NEGR1: variants seen among roughly 807,000 people sequenced by gnomAD.
NEGR1 encodes the protein IgLON family member 4.
In NEGR1, 10 loss-of-function variants were observed where a neutral mutation model predicts 40.9. That is an observed-to-expected ratio of 0.24 (90% confidence interval 0.15 to 0.42). The LOEUF is 0.42. Among genes scored for constraint, NEGR1 ranks in the 10% least tolerant of loss-of-function variants. NEGR1 has a pLI of 1.00. For missense variants in NEGR1, 352 were observed against 438.9 expected (o/e 0.80, Z 1.77); for synonymous variants, 185 against 166.8 (o/e 1.11, Z -0.84).
intron 6 of NEGR1, among the ~76,000 whole-genome samples, chr1:71,478,964 C>T (rs762350387): frequency 6.6e-6 from 1 of 151,876 alleles, no homozygotes; most frequent in South Asian, 2.1e-4. Context: ...GTTACACAGA[C>T]AATATATTCC....
At chr1:71,903,885 T>TA in intron 2 of NEGR1, among the ~76,000 whole-genome samples, 1 of 151,914 alleles carries the variant, frequency 6.6e-6, no homozygotes, top group Non-Finnish European at 1.5e-5. Flanking sequence ...ATGGATGTTA[T>TA]AAATGCTATT....
intron 1 of NEGR1, among the ~76,000 whole-genome samples, chr1:71,939,564 C>T (rs779506457): frequency 6.6e-5 from 10 of 151,988 alleles, no homozygotes; most frequent in Non-Finnish European, 1.3e-4. Flanking sequence ...TAATTAAATG[C>T]AGATATATGT....
At chr1:72,216,875 C>G (rs886247235) in intron 1 of NEGR1, among the ~76,000 whole-genome samples, 2 of 151,430 alleles carry the variant, frequency 1.3e-5, no homozygotes, top group South Asian at 4.2e-4. Flanking sequence ...ATTTAAAGTG[C>G]TATAAAAATA....
chr1:71,949,474 C>T (rs1406204915), intron 1 of NEGR1, among the ~76,000 whole-genome samples: 3 of 151,924 alleles, frequency 2.0e-5, no homozygotes, highest in Admixed American at 1.3e-4. Flanking sequence ...GTACCTGTCA[C>T]GTAGTTGGTA....
chr1:71,684,405 A>G (rs1570201559), intron 4 of NEGR1, among the ~76,000 whole-genome samples: 1 of 152,168 alleles, frequency 6.6e-6, no homozygotes, highest in African/African-American at 2.4e-5. Flanking sequence ...GTACATTTGT[A>G]TATATTTTTA....
At chr1:71,729,538 T>G (rs977241493) in intron 3 of NEGR1, among the ~76,000 whole-genome samples, 3 of 152,188 alleles carry the variant, frequency 2.0e-5, no homozygotes, top group Non-Finnish European at 4.4e-5. Flanking sequence ...AATAAATACC[T>G]GTTGATTAAT....
intron 3 of NEGR1, among the ~76,000 whole-genome samples, chr1:71,762,798 T>C (rs1440188129): frequency 6.6e-6 from 1 of 152,152 alleles, no homozygotes; most frequent in South Asian, 2.1e-4. Context: ...GAAAATAGAA[T>C]GTTAAATAAT....
At chr1:71,859,166 C>T (rs1659868831) in intron 2 of NEGR1, among the ~76,000 whole-genome samples, 1 of 152,016 alleles carries the variant, frequency 6.6e-6, no homozygotes, top group African/African-American at 2.4e-5. Context: ...TACCTTTTGC[C>T]CCCATTCTTT....
intron 1 of NEGR1, among the ~76,000 whole-genome samples, chr1:71,964,023 C>T (rs1406828726): frequency 6.6e-6 from 1 of 151,974 alleles, no homozygotes; most frequent in Non-Finnish European, 1.5e-5. Flanking sequence ...TTCTTTCTGT[C>T]CTCAAAATAT....
chr1:72,013,795 G>A (rs1646682237), intron 1 of NEGR1, among the ~76,000 whole-genome samples: 1 of 150,270 alleles, frequency 6.7e-6, no homozygotes, highest in Admixed American at 6.7e-5. Context: ...TCAAACATTC[G>A]CTACCCTGAC....
intron 1 of NEGR1, among the ~76,000 whole-genome samples, chr1:72,201,720 T>C (rs1653219479): frequency 6.6e-6 from 1 of 151,864 alleles, no homozygotes; most frequent in South Asian, 2.1e-4. Context: ...GGGTATGTGA[T>C]TTTACCAAAC....
intron 4 of NEGR1, among the ~76,000 whole-genome samples, chr1:71,644,078 G>T (rs921360053): frequency 2.6e-5 from 4 of 151,882 alleles, no homozygotes; most frequent in Admixed American, 2.6e-4. Context: ...GCCCAAAAGA[G>T]TTCCACTTTT....
At chr1:71,635,129 A>T (rs1651103890) in intron 4 of NEGR1, among the ~76,000 whole-genome samples, 1 of 152,128 alleles carries the variant, frequency 6.6e-6, no homozygotes, top group South Asian at 2.1e-4. Context: ...AGGGGAACAC[A>T]GGATAATGGA....
At chr1:71,852,333 C>G (rs12405796) in intron 2 of NEGR1, among the ~76,000 whole-genome samples, 1,927 of 152,162 alleles carry the variant, frequency 0.013, 15 homozygotes, top group Admixed American at 0.021. Context: ...TGTGTGAGAA[C>G]AGCAGATACA....
intron 1 of NEGR1, among the ~76,000 whole-genome samples, chr1:72,125,607 A>C (rs1360250576): frequency 1.3e-5 from 2 of 152,166 alleles, no homozygotes; most frequent in East Asian, 3.8e-4. Flanking sequence ...TATTATTACT[A>C]TAAAGGGATA....
chr1:72,131,878 C>T (rs900858083), intron 1 of NEGR1, among the ~76,000 whole-genome samples: 24 of 152,120 alleles, frequency 1.6e-4, no homozygotes, highest in African/African-American at 5.6e-4. Flanking sequence ...GGGAGGATCA[C>T]CTGAGGCCAT....
At chr1:71,678,959 A>G (rs1026790627) in intron 4 of NEGR1, among the ~76,000 whole-genome samples, 1 of 152,156 alleles carries the variant, frequency 6.6e-6, no homozygotes, top group Non-Finnish European at 1.5e-5. Flanking sequence ...TATCCTGAAG[A>G]ATGGAAAACC....
At chr1:71,762,867 TAAAGGA>T (rs1655993171) in intron 3 of NEGR1, among the ~76,000 whole-genome samples, 1 of 152,118 alleles carries the variant, frequency 6.6e-6, no homozygotes, top group African/African-American at 2.4e-5. Context: ...CATTTGGCAA[TAAAGGA>T]GAAATCAAAA....
chr1:72,066,649 A>C (rs904161991), intron 1 of NEGR1, among the ~76,000 whole-genome samples: 2 of 152,104 alleles, frequency 1.3e-5, no homozygotes, highest in African/African-American at 4.8e-5. Context: ...GCACATGCAC[A>C]GAGAAAAGGC....
Sources: allele counts gnomAD v4.1 joint callset (sites outside exome capture counted in the v4.1 genomes callset), GRCh38; gene constraint gnomAD v4.1.1; transcripts MANE v1.5; gene names NCBI Gene and HGNC (gene_info 2026-07-23, HGNC 2026-07-21).